Variants in PDE4D observed in about 807,000 individuals in gnomAD.
The protein encoded by PDE4D is phosphodiesterase 4D.
PDE4D carries 24 observed loss-of-function variants against 87.4 expected under a neutral mutation model. The ratio of observed to expected loss-of-function variants is 0.27; its 90% CI spans 0.20 to 0.39. PDE4D has a LOEUF of 0.39. Ranked by LOEUF, PDE4D falls within the 10% of genes least tolerant of loss-of-function variation. The pLI is 1.00. For synonymous variants in PDE4D, 384 were observed against 383.2 expected (o/e 1.00, Z -0.02); for missense variants, 714 against 1,041.0 (o/e 0.69, Z 4.32).
At chr5:59,005,603 A>T (rs9292189) in intron 6 of PDE4D, among the ~76,000 whole-genome samples, 1 of 152,096 alleles carries the variant, frequency 6.6e-6, no homozygotes, top group Non-Finnish European at 1.5e-5. Context: ...TCTTATAGTC[A>T]GACTTGGCTT....
At chr5:59,978,211 T>G (rs1050575065) in intron 3 of PDE4D, among the ~76,000 whole-genome samples, 10 of 152,196 alleles carry the variant, frequency 6.6e-5, no homozygotes, top group South Asian at 2.1e-4. Flanking sequence ...ATCGCTATGA[T>G]AGACACTTAT....
chr5:59,633,439 G>A (rs1448368343), intron 1 of PDE4D, among the ~76,000 whole-genome samples: 5 of 152,188 alleles, frequency 3.3e-5, no homozygotes, highest in African/African-American at 1.2e-4. Context: ...ATAATCGTGA[G>A]ATTCATCAAG....
Position 59,038,878 on chromosome 5 carries a change from C to T in PDE4D, c.902G>A (p.Ser301Asn). ...GCTTACCTTGTTGGAGGCCATCTCA[C>T]TGACGGAGTGCCTGGTCTGTAGGGT... ...LETLQTRHSV[S>N]EMASNKFKRM... is the part of the protein sequence containing the mutation. Residue 301 changes from serine to asparagine, a missense_variant, in exon 6 of 15, where the codon AGT becomes AAT. This residue lies in a region of PDE4D where 90 missense variants were observed against 177.6 expected (regional missense o/e 0.51). Transcript: ENST00000340635. 1 of 1,580,472 alleles carries T rather than the reference C, an allele frequency of 6.3e-7. No individual in the cohort carries two copies. The highest frequency in any genetic ancestry group is 8.6e-7 in the Non-Finnish European group (1 of 1,163,330).
intron 1 of PDE4D, among the ~76,000 whole-genome samples, chr5:59,387,303 C>T (rs1467768812): frequency 6.6e-6 from 1 of 152,064 alleles, no homozygotes; most frequent in Admixed American, 6.6e-5. Context: ...CTTATTTGAC[C>T]ATGCAACCAT....
At chr5:59,189,244 G>GTTTTT (rs1392753870) in intron 3 of PDE4D, among the ~76,000 whole-genome samples, 32 of 91,382 alleles carry the variant, frequency 3.5e-4, no homozygotes, top group Admixed American at 9.0e-4. Context: ...TTTTTTTTTT[G>GTTTTT]TTTTTTTTGT....
chr5:59,822,377 G>A (rs1012183736), intron 1 of PDE4D, among the ~76,000 whole-genome samples: 1 of 152,094 alleles, frequency 6.6e-6, no homozygotes, highest in Non-Finnish European at 1.5e-5. Flanking sequence ...AGTGAAGGTA[G>A]ATAGATTAAT....
In PDE4D at chr5:58,973,280, T is replaced by TTAAC. The variant is rs1561199743; in HGVS notation, c.*1380_*1383dup. 6.6e-6 allele frequency: 1 copy of TTAAC among 152,242 alleles called. No individual in the cohort carries two copies. The allele number at this position is 152,242 out of a possible 1,614,324, so 9.4% of individuals were successfully genotyped here. On this transcript the variant is annotated 3_prime_UTR_variant, in exon 15 of 15. Transcript: ENST00000340635. The stretch of plus-strand genomic sequence containing the variant: ...GGTTGAAATGAATGTTAACCCTAAC[T>TTAAC]TAACTACCTGTTTCTTTTCACCGGT...
At chr5:59,774,177 A>G (rs558694669) in intron 1 of PDE4D, among the ~76,000 whole-genome samples, 1 of 152,328 alleles carries the variant, frequency 6.6e-6, no homozygotes, top group East Asian at 1.9e-4. Flanking sequence ...CAATATATAA[A>G]GAGATTTAAA....
intron 2 of PDE4D, among the ~76,000 whole-genome samples, chr5:59,990,611 C>T (rs1174158400): frequency 6.6e-6 from 1 of 152,114 alleles, no homozygotes; most frequent in Admixed American, 6.5e-5. Flanking sequence ...AGAATCTGTG[C>T]TTTGAGGAAT....
chr5:59,866,194 T>G (rs1300025590), intron 1 of PDE4D, among the ~76,000 whole-genome samples: 2 of 152,234 alleles, frequency 1.3e-5, no homozygotes, highest in African/African-American at 4.8e-5. Context: ...TTCTTAAAAT[T>G]TGCAGCAGAC....
intron 2 of PDE4D, among the ~76,000 whole-genome samples, chr5:60,128,586 G>A (rs1779314308): frequency 6.6e-6 from 1 of 152,226 alleles, no homozygotes; most frequent in African/African-American, 2.4e-5. Flanking sequence ...GTGACCAGGT[G>A]GAAGGCAGCT....
At chr5:59,404,095 A>G (rs1417309411) in intron 1 of PDE4D, among the ~76,000 whole-genome samples, 5 of 152,158 alleles carry the variant, frequency 3.3e-5, no homozygotes, top group Admixed American at 6.5e-5. Flanking sequence ...TGCCATTTGT[A>G]TGTCTTCTTT....
intron 1 of PDE4D, among the ~76,000 whole-genome samples, chr5:59,411,433 C>T (rs1214038808): frequency 6.6e-6 from 1 of 152,128 alleles, no homozygotes; most frequent in Non-Finnish European, 1.5e-5. Context: ...GCTTCCATAA[C>T]AAAATACCAC....
chr5:60,448,119 C>T (rs1244772548), intron 1 of PDE4D, among the ~76,000 whole-genome samples: 1 of 152,010 alleles, frequency 6.6e-6, no homozygotes, highest in African/African-American at 2.4e-5. Flanking sequence ...TAGATTGGAA[C>T]ATTTACATCT....
chr5:59,297,688 A>G (rs971959406), intron 1 of PDE4D, among the ~76,000 whole-genome samples: 2 of 152,164 alleles, frequency 1.3e-5, no homozygotes, highest in African/African-American at 4.8e-5. Flanking sequence ...GAAGCACTCA[A>G]GAAATATTGG....
At chr5:58,997,022 A>T (rs1749377615) in intron 6 of PDE4D, among the ~76,000 whole-genome samples, 1 of 152,172 alleles carries the variant, frequency 6.6e-6, no homozygotes, top group African/African-American at 2.4e-5. Flanking sequence ...AGGGACTCCA[A>T]GGAAGTCAAC....
At chr5:59,191,944 C>G (rs1175423996) in intron 3 of PDE4D, among the ~76,000 whole-genome samples, 1 of 152,098 alleles carries the variant, frequency 6.6e-6, no homozygotes, top group Non-Finnish European at 1.5e-5. Flanking sequence ...ATTATTAAAT[C>G]ATACAAGTGT....
intron 1 of PDE4D, among the ~76,000 whole-genome samples, chr5:60,423,309 G>A (rs1316522600): frequency 1.3e-5 from 2 of 152,106 alleles, no homozygotes; most frequent in Non-Finnish European, 2.9e-5. Flanking sequence ...GCACTACTCA[G>A]CAAATGTAAA....
chr5:59,045,556 CAAAAAAA>C (rs36051277), intron 5 of PDE4D, among the ~76,000 whole-genome samples: 9 of 70,978 alleles, frequency 1.3e-4, no homozygotes, highest in Non-Finnish European at 1.6e-4. Flanking sequence ...AACTCTGTCT[CAAAAAAA>C]AAAAAAAAAA....
Sources: gnomAD v4.1 joint callset for allele counts (sites outside exome capture counted in the v4.1 genomes callset) on GRCh38, gnomAD v4.1.1 for gene constraint, gnomAD v4.1.1 regional missense constraint, MANE v1.5 for transcripts, NCBI Gene and HGNC (gene_info 2026-07-23, HGNC 2026-07-21) for gene names.